The following SLC2A9 variants were observed in gnomAD, a reference collection of about 807,000 sequenced individuals.
The protein encoded by SLC2A9 is solute carrier family 2 member 9.
Under a neutral mutation model 50.6 loss-of-function variants are expected in SLC2A9, and 39 were observed. The ratio of observed to expected loss-of-function variants is 0.77; its 90% CI spans 0.60 to 1.01. SLC2A9 has a LOEUF of 1.01. Among genes scored for constraint, SLC2A9 ranks in the 50% least tolerant of loss-of-function variants. The probability of loss-of-function intolerance (pLI) is 0.00; values close to 1 mark genes in which losing one functional copy is unlikely to be tolerated. For synonymous variants in SLC2A9, 324 were observed against 276.9 expected, an observed-to-expected ratio of 1.17 and a Z score of -1.69; for missense variants, 686 against 677.6, an observed-to-expected ratio of 1.01 and a Z score of -0.14.
chr4:9,920,324 A>G, intron 7 of SLC2A9, 61 bp downstream of exon 7: 2 of 1,591,944 alleles, frequency 1.3e-6, no homozygotes, highest in South Asian at 1.1e-5. Context: ...CAAGCCCTGA[A>G]CCTCCCCACC....
chr4:9,779,555 C>T (rs1417199098), downstream of SLC2A9, among the ~76,000 whole-genome samples: 3 of 151,852 alleles, frequency 2.0e-5, no homozygotes, highest in Non-Finnish European at 4.4e-5. Context: ...GCTGGGACTA[C>T]AGGCGCCCGC....
At chr4:10,007,840 G>A (rs1215493756) in intron 2 of SLC2A9, among the ~76,000 whole-genome samples, 1 of 152,192 alleles carries the variant, frequency 6.6e-6, no homozygotes, top group Non-Finnish European at 1.5e-5. Flanking sequence ...ATCAATTCTG[G>A]AATAACTCAT....
At chr4:9,898,684 C>T (rs1420419671) in intron 8 of SLC2A9, among the ~76,000 whole-genome samples, 8 of 152,198 alleles carry the variant, frequency 5.3e-5, no homozygotes, top group Admixed American at 5.2e-4. Flanking sequence ...AATCCCCATC[C>T]TTGCCTGGCT....
chr4:9,916,001 A>G (rs1333203534), intron 7 of SLC2A9, among the ~76,000 whole-genome samples: 2 of 152,350 alleles, frequency 1.3e-5, no homozygotes, highest in East Asian at 3.9e-4. Flanking sequence ...AGAGGGGGAA[A>G]GTACCACAGT....
chr4:9,928,465 C>T (rs1745303543), intron 6 of SLC2A9, among the ~76,000 whole-genome samples: 1 of 152,240 alleles, frequency 6.6e-6, no homozygotes, highest in South Asian at 2.1e-4. Context: ...GGAGCAGTGG[C>T]TTTCGCCTGT....
At chr4:9,826,981 T>C (rs1725252167) in intron 11 of SLC2A9, among the ~76,000 whole-genome samples, 1 of 152,156 alleles carries the variant, frequency 6.6e-6, no homozygotes, top group African/African-American at 2.4e-5. Context: ...AAGAATGACA[T>C]CAAAAGGGAA....
chr4:9,998,264 G>A (rs1297749288), intron 2 of SLC2A9, among the ~76,000 whole-genome samples: 1 of 152,170 alleles, frequency 6.6e-6, no homozygotes, highest in Admixed American at 6.5e-5. Flanking sequence ...GCAAACCTCA[G>A]CTGAGCCAGT....
chr4:9,782,005 G>T (rs1718466158), intron 3 of SLC2A9: 1 of 1,433,246 alleles, frequency 7.0e-7, no homozygotes, highest in Non-Finnish European at 9.1e-7. Context: ...ACCGCGCACA[G>T]ACCGCCCCTG....
chr4:9,844,182 T>TAAAA (rs1553839931), intron 10 of SLC2A9, among the ~76,000 whole-genome samples: 1 of 110,108 alleles, frequency 9.1e-6, no homozygotes, highest in Non-Finnish European at 2.1e-5. Flanking sequence ...AAAAAAAAAG[T>TAAAA]CCTTCTGACT....
At chr4:9,953,655 C>G (rs1467890514) in intron 5 of SLC2A9, among the ~76,000 whole-genome samples, 1 of 152,226 alleles carries the variant, frequency 6.6e-6, no homozygotes, top group Non-Finnish European at 1.5e-5. Context: ...CAGGGTCTCA[C>G]TCTGTTACCC....
At chr4:9,812,015 A>G (rs966972255) in intron 3 of SLC2A9, among the ~76,000 whole-genome samples, 1 of 152,248 alleles carries the variant, frequency 6.6e-6, no homozygotes, top group Non-Finnish European at 1.5e-5. Flanking sequence ...TAAGCAAATA[A>G]GAAACTTCCT....
At chr4:9,924,276 TGGACAG>T (rs1473665556) in intron 6 of SLC2A9, 1 of 152,288 alleles carries the variant, frequency 6.6e-6, no homozygotes, top group African/African-American at 2.4e-5. Context: ...CTCCTGCACA[TGGACAG>T]CTTCCTACAC....
intron 3 of SLC2A9, among the ~76,000 whole-genome samples, chr4:9,784,770 A>G (rs1465090506): frequency 2.6e-5 from 4 of 152,222 alleles, no homozygotes; most frequent in African/African-American, 9.6e-5. Flanking sequence ...AGCACTATTA[A>G]TGGAAGCAAA....
intron 5 of SLC2A9, among the ~76,000 whole-genome samples, chr4:9,959,260 C>G (rs139661060): frequency 6.6e-6 from 1 of 150,690 alleles, no homozygotes; most frequent in Non-Finnish European, 1.5e-5. Flanking sequence ...GGCGTGGTGG[C>G]GGGGGCATGT....
At chr4:9,893,556 C>A (rs7684245) in intron 8 of SLC2A9, among the ~76,000 whole-genome samples, 29 of 126,416 alleles carry the variant, frequency 2.3e-4, no homozygotes, top group African/African-American at 8.4e-4. Context: ...CAGAGAGGGA[C>A]GGAGGGAGAG....
At chr4:9,885,303 G>A (rs1232078621) in intron 10 of SLC2A9, among the ~76,000 whole-genome samples, 1 of 152,156 alleles carries the variant, frequency 6.6e-6, no homozygotes, top group East Asian at 1.9e-4. Flanking sequence ...TTGAGAAATT[G>A]ATAAGAATGG....
chr4:9,860,520 C>A (rs1323151000), intron 10 of SLC2A9, among the ~76,000 whole-genome samples: 1 of 152,240 alleles, frequency 6.6e-6, no homozygotes, highest in African/African-American at 2.4e-5. Context: ...GGAACAAGAA[C>A]TGATGAGCTG....
chr4:9,779,416 CT>C (rs926013681), downstream of SLC2A9, among the ~76,000 whole-genome samples: 759 of 138,476 alleles, frequency 5.5e-3, 2 homozygotes, highest in East Asian at 0.02. Context: ...AGACTTTAAA[CT>C]TTTTTTTTTT....
chr4:9,973,855 G>A lies in SLC2A9; in HGVS notation c.681+6737C>T, dbSNP rs570142297. Among the ~76,000 whole-genome samples, 1,373 of 137,572 alleles carry A rather than the reference G, an allele frequency of 1.0e-2. 5 individuals are homozygous for A. The highest frequency in any genetic ancestry group is 0.036 in the South Asian group (144 of 4,054). The allele number at this position is 137,572 out of a possible 152,430, so 90.3% of individuals were successfully genotyped here. ...GTGCACATGTACCCTAAAACTTAAAGTATTAAAAAAAAAAAAAACAGAAAA... is the reference window on the plus strand; with the variant it reads ...GTGCACATGTACCCTAAAACTTAAAATATTAAAAAAAAAAAAAACAGAAAA... On this transcript the variant is annotated intron_variant, in intron 5 of 11. Transcript: ENST00000264784.
Sources: gnomAD v4.1 joint callset for allele counts (sites outside exome capture counted in the v4.1 genomes callset) on GRCh38, gnomAD v4.1.1 for gene constraint, MANE v1.5 for transcripts, NCBI Gene and HGNC (gene_info 2026-07-23, HGNC 2026-07-21) for gene names.